Variants in WWTR1 observed in about 807,000 individuals in gnomAD.
The protein encoded by WWTR1 is WW domain-containing transcription regulator protein 1.
In WWTR1, 13 loss-of-function variants were observed where a neutral mutation model predicts 40.1. The observed-to-expected ratio is 0.32, with a 90% CI of 0.21 to 0.52. The LOEUF (loss-of-function observed/expected upper bound fraction) is 0.52. WWTR1 is among the 20% of genes least tolerant of loss of function. The pLI, the probability that WWTR1 is intolerant of heterozygous loss-of-function variation, is 0.97. For synonymous variants in WWTR1, 230 were observed against 210.1 expected (o/e 1.09, Z -0.82); for missense variants, 436 against 523.1 (o/e 0.83, Z 1.63).
At chr3:149,719,166 C>CTT (rs111311566) in intron 4 of WWTR1, among the ~76,000 whole-genome samples, 2 of 141,202 alleles carry the variant, frequency 1.4e-5, no homozygotes, top group Non-Finnish European at 3.1e-5. Context: ...TATTCTTTTT[C>CTT]TTTTTTTTTT....
intron 3 of WWTR1, among the ~76,000 whole-genome samples, chr3:149,548,614 G>A (rs746895013): frequency 4.9e-4 from 74 of 152,302 alleles, no homozygotes; most frequent in Middle Eastern, 6.8e-3. Flanking sequence ...AACAGCTGGC[G>A]CCCAGTGGCT....
intron 2 of WWTR1, among the ~76,000 whole-genome samples, chr3:149,604,767 A>G (rs533561457): frequency 1.3e-5 from 2 of 152,322 alleles, no homozygotes; most frequent in South Asian, 4.1e-4. Flanking sequence ...ACACCCTCCC[A>G]GTCTGCTCAG....
At chr3:149,540,628 T>TTAACAATAC (rs1371432619) in intron 4 of WWTR1, among the ~76,000 whole-genome samples, 2 of 152,090 alleles carry the variant, frequency 1.3e-5, no homozygotes, top group Non-Finnish European at 2.9e-5. Flanking sequence ...CAGAAAACAA[T>TTAACAATAC]TAACAATACA....
intron 2 of WWTR1, among the ~76,000 whole-genome samples, chr3:149,626,959 T>G (rs1186914223): frequency 2.0e-5 from 3 of 151,852 alleles, no homozygotes; most frequent in Non-Finnish European, 4.4e-5. Flanking sequence ...CCCCAGCACC[T>G]CTCCAAAGCA....
intron 2 of WWTR1, among the ~76,000 whole-genome samples, chr3:149,575,219 G>C (rs1313475030): frequency 6.6e-6 from 1 of 152,138 alleles, no homozygotes; most frequent in African/African-American, 2.4e-5. Context: ...TTGTAGTTCT[G>C]TTTAAAGCTT....
intron 1 of WWTR1, among the ~76,000 whole-genome samples, chr3:149,694,229 TAAAAATACAA>T (rs1364927984): frequency 2.6e-5 from 4 of 152,058 alleles, no homozygotes; most frequent in Admixed American, 2.6e-4. Flanking sequence ...CCGTCTCTAC[TAAAAATACAA>T]AAAAATTAGC....
In WWTR1 at chr3:149,542,468, T is replaced by C. The variant is rs781588638; in HGVS notation, c.638A>G (p.Asn213Ser). The change falls in exon 4 of 7, where the codon AAC (asparagine) becomes AGC (serine). Residue 213 changes from asparagine (N) to serine (S), a missense_variant. Coordinates refer to ENST00000360632, the MANE Select transcript of WWTR1 (RefSeq NM_015472.6). ...CATACTCATGAGCCCTGCGGGTGGGTTCTGAGTGGGGTGGTTCTGCTGGCT... is the reference window on the plus strand; with the variant it reads ...CATACTCATGAGCCCTGCGGGTGGGCTCTGAGTGGGGTGGTTCTGCTGGCT... Reference protein sequence around the residue: ...TLSQQNHPTQNPPAGLMSMPN... With the variant: ...TLSQQNHPTQSPPAGLMSMPN... 6.2e-7 allele frequency: 1 copy of C among 1,613,936 alleles called. No homozygotes were observed. The highest frequency in any genetic ancestry group is 8.5e-7 in the Non-Finnish European group (1 of 1,179,936).
chr3:149,555,977 A>G (rs1736808897), intron 3 of WWTR1, among the ~76,000 whole-genome samples: 1 of 152,266 alleles, frequency 6.6e-6, no homozygotes, highest in Non-Finnish European at 1.5e-5. Flanking sequence ...TGAATGAAGT[A>G]TGGAAATCAG....
At chr3:149,645,252 T>C (rs1453463478) in intron 2 of WWTR1, among the ~76,000 whole-genome samples, 1 of 151,414 alleles carries the variant, frequency 6.6e-6, no homozygotes, top group East Asian at 1.9e-4. Context: ...GCTAATTTTT[T>C]GTATTTTTAG....
At chr3:149,537,971 G>A (rs941868303) in intron 4 of WWTR1, among the ~76,000 whole-genome samples, 1 of 151,570 alleles carries the variant, frequency 6.6e-6, no homozygotes, top group Admixed American at 6.6e-5. Context: ...CCAGGCTGGA[G>A]TGCAGTGGCT....
At chr3:149,530,013 C>T (rs541835979) in intron 4 of WWTR1, among the ~76,000 whole-genome samples, 14 of 152,246 alleles carry the variant, frequency 9.2e-5, no homozygotes, top group Middle Eastern at 3.4e-3. Context: ...GAGATGGCTG[C>T]ATTCCTTTGT....
At chr3:149,714,294 G>T (rs1000188455) in intron 5 of WWTR1, among the ~76,000 whole-genome samples, 1 of 152,100 alleles carries the variant, frequency 6.6e-6, no homozygotes, top group African/African-American at 2.4e-5. Flanking sequence ...CGCCCTCCTG[G>T]ACCCAGCTGC....
At chr3:149,685,849 T>C (rs943757822) in intron 1 of WWTR1, among the ~76,000 whole-genome samples, 1 of 152,224 alleles carries the variant, frequency 6.6e-6, no homozygotes, top group East Asian at 1.9e-4. Context: ...TAATATAACA[T>C]ATGGTATTTG....
intron 2 of WWTR1, among the ~76,000 whole-genome samples, chr3:149,585,762 G>A (rs142339097): frequency 2.6e-5 from 4 of 152,292 alleles, no homozygotes; most frequent in African/African-American, 7.2e-5. Flanking sequence ...TTGAATGCAA[G>A]CAAAAGAATA....
intron 4 of WWTR1, among the ~76,000 whole-genome samples, chr3:149,721,704 T>G (rs898372491): frequency 6.6e-6 from 1 of 152,150 alleles, no homozygotes; most frequent in Non-Finnish European, 1.5e-5. Context: ...TTTGGTATAA[T>G]TCACTGGTAA....
intron 1 of WWTR1, among the ~76,000 whole-genome samples, chr3:149,701,035 G>A (rs926704008): frequency 6.6e-6 from 1 of 152,162 alleles, no homozygotes; most frequent in Non-Finnish European, 1.5e-5. Flanking sequence ...CGGTGCGGTA[G>A]GCCCAGAGTT....
At chr3:149,572,818 C>T (rs1006572318) in intron 3 of WWTR1, 46 bp downstream of exon 3, 1 of 1,409,910 alleles carries the variant, frequency 7.1e-7, no homozygotes, top group Non-Finnish European at 9.6e-7. Flanking sequence ...CCCAACTCTA[C>T]AAAAAAAAAA....
intron 2 of WWTR1, among the ~76,000 whole-genome samples, chr3:149,656,147 A>G (rs930610664): frequency 2.6e-5 from 4 of 152,248 alleles, no homozygotes; most frequent in Admixed American, 1.3e-4. Flanking sequence ...GAAAATTTCA[A>G]CTAATGTAAA....
rs1331479871 is a variant in WWTR1 at position 149,520,026 on chromosome 3, CA to C, written c.*778del. ...TTTTAAATCCCCAGTTGTAATATTT[CA>C]AAAACTTTTGTTTGAATAAAATGCT... is the stretch of plus-strand genomic sequence containing the variant. On this transcript the variant is annotated 3_prime_UTR_variant, in exon 7 of 7. Coordinates refer to ENST00000360632, the MANE Select transcript of WWTR1 (RefSeq NM_015472.6). The C allele has an allele frequency of 1.3e-5, 2 of 151,606 alleles. No homozygotes were observed. The highest frequency in any genetic ancestry group is 3.9e-4 in the East Asian group (2 of 5,170). 9.4% of individuals were successfully genotyped at this position (151,606 alleles called of 1,614,324 possible).
Sources: allele counts gnomAD v4.1 joint callset (sites outside exome capture counted in the v4.1 genomes callset), GRCh38; gene constraint gnomAD v4.1.1; transcripts MANE v1.5; gene names NCBI Gene and HGNC (gene_info 2026-07-23, HGNC 2026-07-21).